Variants in KRABD2 observed in about 807,000 individuals in gnomAD.
KRABD2 encodes KRAB domain containing 2, also known as KRAB domain-containing protein 2.
the KRABD2 span, chr17:8,376,071 G>C: frequency 4.1e-6 from 5 of 1,231,558 alleles, no homozygotes; most frequent in African/African-American, 3.1e-5. Context: ...ACTTCGCTTT[G>C]CATCTTTAGT....
the KRABD2 span, among the ~76,000 whole-genome samples, chr17:8,363,836 T>TATAATATATATATATA: frequency 2.8e-3 from 149 of 52,642 alleles, 2 homozygotes; most frequent in African/African-American, 0.01. Context: ...CATACATATA[T>TATAATATATATATATA]ATATATATAT....
chr17:8,376,164 A>G, the KRABD2 span: 1 of 1,231,592 alleles, frequency 8.1e-7, no homozygotes, highest in Non-Finnish European at 1.0e-6. Flanking sequence ...GCCCACGAAT[A>G]CAGAGCTGAG....
chr17:8,376,258 C>G, the KRABD2 span: 4 of 1,229,152 alleles, frequency 3.3e-6, no homozygotes, highest in Non-Finnish European at 4.1e-6. Context: ...GCGGTACGGC[C>G]GAGTCTACGC....
At chr17:8,359,596 G>A in the KRABD2 span, 1 of 455,948 alleles carries the variant, frequency 2.2e-6, no homozygotes, top group Non-Finnish European at 4.4e-6. Context: ...AAGGGGGTAG[G>A]TAAGGAGAGC....
chr17:8,374,448 C>G, the KRABD2 span, among the ~76,000 whole-genome samples: 2 of 152,048 alleles, frequency 1.3e-5, no homozygotes, highest in East Asian at 3.9e-4. Flanking sequence ...AGAGTCATCA[C>G]CACTCCCTAA....
the KRABD2 span, chr17:8,370,365 A>C: frequency 6.3e-7 from 1 of 1,579,988 alleles, no homozygotes; most frequent in Non-Finnish European, 8.6e-7. Context: ...CTGAGGCATC[A>C]TGGAGAGCTG....
At chr17:8,360,809 C>G in the KRABD2 span, among the ~76,000 whole-genome samples, 1 of 152,182 alleles carries the variant, frequency 6.6e-6, no homozygotes, top group Non-Finnish European at 1.5e-5. Flanking sequence ...AACCCAAAGT[C>G]ACCAAATTGA....
the KRABD2 span, among the ~76,000 whole-genome samples, chr17:8,359,240 A>G: frequency 6.6e-6 from 1 of 152,212 alleles, no homozygotes; most frequent in African/African-American, 2.4e-5. Flanking sequence ...CAGTAGTTGT[A>G]CATGTACTGG....
At chr17:8,359,809 G>A in the KRABD2 span, 2 of 455,942 alleles carry the variant, frequency 4.4e-6, no homozygotes, top group Non-Finnish European at 8.8e-6. Context: ...TCTGTGTTGA[G>A]CGAGATCCTA....
At chr17:8,365,892 C>A in the KRABD2 span, among the ~76,000 whole-genome samples, 1 of 152,220 alleles carries the variant, frequency 6.6e-6, no homozygotes, top group South Asian at 2.1e-4. Flanking sequence ...CTTTGGGAGG[C>A]CAAGACAGGC....
the KRABD2 span, among the ~76,000 whole-genome samples, chr17:8,362,762 G>A: frequency 7.9e-5 from 12 of 152,198 alleles, no homozygotes; most frequent in African/African-American, 1.9e-4. The surrounding 1 kb of genome is among the most constrained non-coding windows in gnomAD (Gnocchi z 4.2). Flanking sequence ...AGCCAGGGCC[G>A]AGGGCCCAGG....
the KRABD2 span, chr17:8,371,772 G>A: frequency 8.1e-7 from 1 of 1,234,634 alleles, no homozygotes; most frequent in Non-Finnish European, 1.0e-6. Context: ...ACTCCTAACA[G>A]GGGTGGCAGG....
the KRABD2 span, chr17:8,368,947 A>AT: frequency 3.7e-6 from 4 of 1,069,776 alleles, no homozygotes; most frequent in East Asian, 2.8e-5. Context: ...GGTTGTGGTA[A>AT]TTTTTTATGG....
chr17:8,367,015 C>G, the KRABD2 span: 4 of 152,218 alleles, frequency 2.6e-5, no homozygotes, highest in Admixed American at 2.6e-4. Flanking sequence ...CCACCGTGCC[C>G]AGCCTTCCTT....
At chr17:8,370,011 T>C in the KRABD2 span, 129 of 1,614,216 alleles carry the variant, frequency 8.0e-5, 3 homozygotes, top group East Asian at 2.7e-3. Flanking sequence ...AATACTGAGA[T>C]GTGTATCATG....
the KRABD2 span, among the ~76,000 whole-genome samples, chr17:8,372,483 G>T: frequency 6.6e-6 from 1 of 152,148 alleles, no homozygotes; most frequent in Non-Finnish European, 1.5e-5. This position sits in a 1 kb window ranked among gnomAD's most constrained non-coding sequence, Gnocchi z 4.1. Context: ...CCAAAGTGAG[G>T]TTTTGCCATG....
chr17:8,375,350 C>T, the KRABD2 span, among the ~76,000 whole-genome samples: 1 of 152,216 alleles, frequency 6.6e-6, no homozygotes, highest in Non-Finnish European at 1.5e-5. Context: ...ATTCTGGCTG[C>T]ACTGGCGGCA....
the KRABD2 span, among the ~76,000 whole-genome samples, chr17:8,375,265 C>A: frequency 6.6e-6 from 1 of 152,206 alleles, no homozygotes; most frequent in Non-Finnish European, 1.5e-5. Flanking sequence ...CCCGCCTCTG[C>A]CTCCCAAAGT....
the KRABD2 span, chr17:8,359,599 A>G: frequency 2.2e-6 from 1 of 455,930 alleles, no homozygotes; most frequent in African/African-American, 2.0e-5. Context: ...GGGGTAGGTA[A>G]GGAGAGCTGG....
Sources: allele counts gnomAD v4.1 joint callset (sites outside exome capture counted in the v4.1 genomes callset), GRCh38; gene constraint gnomAD v4.1.1; non-coding constraint Gnocchi (gnomAD v3.1); transcripts MANE v1.5; gene names NCBI Gene and HGNC (gene_info 2026-07-23, HGNC 2026-07-21).